Variants in VPS33B observed in about 807,000 individuals in gnomAD.
VPS33B encodes the protein VPS33B late endosome and lysosome associated.
In VPS33B, 80 loss-of-function variants were observed where a neutral mutation model predicts 95.3. The ratio of observed to expected loss-of-function variants is 0.84; its 90% CI spans 0.70 to 1.01. The LOEUF is 1.01. Among genes scored for constraint, VPS33B ranks in the 50% least tolerant of loss-of-function variants. The probability of loss-of-function intolerance (pLI) is 0.00; values close to 1 mark genes in which losing one functional copy is unlikely to be tolerated. For missense variants in VPS33B, 715 were observed against 773.4 expected (o/e 0.92, Z 0.90); for synonymous variants, 280 against 280.4 (o/e 1.00, Z 0.01).
At chr15:91,008,201 A>G (rs891459254) in intron 6 of VPS33B, among the ~76,000 whole-genome samples, 3 of 152,322 alleles carry the variant, frequency 2.0e-5, no homozygotes, top group African/African-American at 7.2e-5. Context: ...ATACAATGTG[A>G]TAAGTGGTGG....
At position 91,011,903 on chromosome 15, in the gene VPS33B, T is replaced by C. The variant is rs1409009951; in HGVS notation, c.357+1901A>G. 6.6e-6 allele frequency among the ~76,000 whole-genome samples: 1 copy of C among 151,980 alleles called. No individual in the cohort carries two copies. Among genetic ancestry groups the C allele is most frequent in the African/African-American group, 2.4e-5 (1 of 41,366 alleles). ...ACTCGGGAAGCTGAGGCAGGAGAAT[T>C]GCTTGAACCTGGGAGGCGGAGGTTG... On this transcript the variant is annotated intron_variant, in intron 5 of 22. Coordinates refer to ENST00000333371, the MANE Select transcript of VPS33B (RefSeq NM_018668.5). The surrounding 1 kb of genome is among the most constrained non-coding windows in gnomAD (Gnocchi z 5.5).
In VPS33B at chr15:90,999,903, T is replaced by C; in HGVS notation, c.1654A>G (p.Thr552Ala). ...RLLNCSDFAF[T>A]DMTKEDKASS... ...CCCCACTGTTAATGCCACATACCTG[T>C]GAATGCAAAGTCACTGCAGTTGAGC... Residue 552 changes from threonine to alanine, a missense_variant, in exon 21 of 23, where the codon ACA (threonine) becomes GCA (alanine). Transcript: ENST00000333371. The surrounding 1 kb of genome is among the most constrained non-coding windows in gnomAD (Gnocchi z 5.1). 1 of 1,614,182 alleles carries C rather than the reference T, an allele frequency of 6.2e-7. No individual in the cohort carries two copies. The highest frequency in any genetic ancestry group is 1.3e-5 in the African/African-American group (1 of 75,044).
chr15:91,001,933 T>A, intron 18 of VPS33B, 117 bp downstream of exon 18: 1 of 1,532,610 alleles, frequency 6.5e-7, no homozygotes. Context: ...AGTAATGACA[T>A]TAATAGGAAG....
At position 90,999,679 on chromosome 15, in the gene VPS33B, TTCTC is replaced by T; in HGVS notation, c.1768_1771del (p.Glu590LysfsTer8). 6.2e-7 allele frequency: 1 copy of T among 1,614,006 alleles called. No individual in the cohort carries two copies. Among genetic ancestry groups the T allele is most frequent in the Non-Finnish European group, 8.5e-7 (1 of 1,179,934 alleles). The stretch of plus-strand genomic sequence containing the variant: ...CTCACCTTTCTGCTCTCTCTTACCT[TTCTC>T]TCTGCCCAGGAACCGGAGGGCTGAG... On this transcript the variant is annotated frameshift_variant, in exon 22 of 23. Transcript: ENST00000333371. LOFTEE classifies it high-confidence loss of function. This position sits in a 1 kb window ranked among gnomAD's most constrained non-coding sequence, Gnocchi z 5.1.
Position 91,000,487 on chromosome 15 carries a change from C to T in VPS33B, c.1581+3G>A, listed in dbSNP as rs370877739. The T allele has an allele frequency of 2.5e-6, 4 of 1,611,842 alleles. No homozygotes were observed. Among genetic ancestry groups the T allele is most frequent in the Non-Finnish European group, 3.4e-6 (4 of 1,178,664 alleles). The stretch of plus-strand genomic sequence containing the variant: ...AATGGGAGCAAGAATTACATGCTCT[C>T]ACCTGCTCAATGATTCGGCAGCTCA... On this transcript the variant is annotated splice_donor_region_variant and intron_variant, in intron 20 of 22. Coordinates refer to ENST00000333371, the MANE Select transcript of VPS33B (RefSeq NM_018668.5). The surrounding 1 kb of genome is among the most constrained non-coding windows in gnomAD (Gnocchi z 4.9).
At chr15:91,004,236 A>AAG (rs1555458637) in intron 16 of VPS33B, among the ~76,000 whole-genome samples, 16,321 of 149,422 alleles carry the variant, frequency 0.11, 3,019 homozygotes, top group African/African-American at 0.38. Flanking sequence ...AAAAAAAAAA[A>AAG]GAAGAAAAAG....
rs572522589 is a variant in VPS33B, at chr15:91,017,970, A to G, written c.97-85T>C. The G allele has an allele frequency of 3.0e-5, 38 of 1,268,196 alleles. No homozygotes were observed. In the African/African-American group the frequency reaches 5.3e-4, roughly 18 times the overall value. The allele number at this position is 1,268,196 out of a possible 1,614,324, so 78.6% of individuals were successfully genotyped here. ...AGTGGCCCAGCCACCCATCTAACAG[A>G]AACAGTCTCTGAGGTGGGAGGGCAC... On this transcript the variant is annotated intron_variant, in intron 1 of 22. Transcript: ENST00000333371.
At chr15:91,001,614 ACTCCCCACCCTT>A (rs1458356747) in intron 18 of VPS33B, 152 bp from the exon 19 acceptor site, 3 of 721,524 alleles carry the variant, frequency 4.2e-6, no homozygotes, top group African/African-American at 1.7e-5. Flanking sequence ...ATCAAGATAT[ACTCCCCACCCTT>A]CTCCCCACCC....
Position 91,000,035 on chromosome 15 carries a change from G to A in VPS33B, c.1582-60C>T. The A allele has an allele frequency of 6.3e-7, 1 of 1,597,000 alleles. No individual in the cohort carries two copies. On this transcript the variant is annotated intron_variant, in intron 20 of 22. Coordinates refer to ENST00000333371, the MANE Select transcript of VPS33B (RefSeq NM_018668.5). This position sits in a 1 kb window ranked among gnomAD's most constrained non-coding sequence, Gnocchi z 4.9. ...GACAGTATCAGGCTTAGGAAAGGAA[G>A]GGCACAGCAGCCAGACTGTCACATT... is the stretch of plus-strand genomic sequence containing the variant.
chr15:91,005,882 C>T lies in VPS33B; in HGVS notation c.939+91G>A. The T allele has an allele frequency of 6.2e-7, 1 of 1,606,350 alleles. No homozygotes were observed. Among genetic ancestry groups the T allele is most frequent in the East Asian group, 2.2e-5 (1 of 44,810 alleles). On this transcript the variant is annotated intron_variant, in intron 12 of 22. Transcript: ENST00000333371. The surrounding 1 kb of genome is among the most constrained non-coding windows in gnomAD (Gnocchi z 6.4). Reference sequence around the variant, plus strand: ...TCCATCCATGAGAAAGGACAGGGAACCTGTCATAGTATTAGAAGGGGAGCC... The same window carrying T: ...TCCATCCATGAGAAAGGACAGGGAATCTGTCATAGTATTAGAAGGGGAGCC...
At chr15:91,017,407 T>A (rs182789659) in intron 2 of VPS33B, among the ~76,000 whole-genome samples, 1,701 of 90,886 alleles carry the variant, frequency 0.019, 314 homozygotes, top group East Asian at 0.11. Context: ...TATATATATA[T>A]ATATATATAT....
At chr15:91,003,196 C>T in intron 16 of VPS33B, 65 bp from the exon 17 acceptor site, 2 of 1,509,752 alleles carry the variant, frequency 1.3e-6, no homozygotes, top group South Asian at 1.1e-5. Context: ...CTAAAATGTA[C>T]AGATCAACCA....
Position 91,007,990 on chromosome 15 carries a change from C to T in VPS33B, c.404-26G>A. The T allele has an allele frequency of 2.5e-6, 4 of 1,611,066 alleles. No individual in the cohort carries two copies. The highest frequency in any genetic ancestry group is 3.4e-6 in the Non-Finnish European group (4 of 1,177,212). ...CTGTGGGGACAGAGAGCATCAGCCT[C>T]CCTGCAGAAGGTACTTAGCTCCACG... On this transcript the variant is annotated intron_variant, in intron 6 of 22. Transcript: ENST00000333371. This position sits in a 1 kb window ranked among gnomAD's most constrained non-coding sequence, Gnocchi z 5.3.
rs1052772926 is a variant in VPS33B at position 91,006,589 on chromosome 15, T to C, written c.778+63A>G. The C allele has an allele frequency of 6.2e-7, 1 of 1,611,326 alleles. No individual in the cohort carries two copies. The highest frequency in any genetic ancestry group is 8.5e-7 in the Non-Finnish European group (1 of 1,177,578). ...TCTCTCCCACAAACCCTGCCCCACG[T>C]GGGAGGTGCCAAGGCTGATGACCCG... On this transcript the variant is annotated intron_variant, in intron 10 of 22. Transcript: ENST00000333371. The surrounding 1 kb of genome is among the most constrained non-coding windows in gnomAD (Gnocchi z 5.4).
Position 91,007,134 on chromosome 15 carries a change from C to G in VPS33B, c.604-88G>C. On this transcript the variant is annotated intron_variant, in intron 8 of 22. Transcript: ENST00000333371. This position sits in a 1 kb window ranked among gnomAD's most constrained non-coding sequence, Gnocchi z 5.3. Reference sequence around the variant, plus strand: ...AGAAGTCAGCCCTTTCCACGTGATACTTCCTCTTGTCCCCGAGACAGGAGC... The same window carrying G: ...AGAAGTCAGCCCTTTCCACGTGATAGTTCCTCTTGTCCCCGAGACAGGAGC... The G allele has an allele frequency of 7.2e-7, 1 of 1,392,628 alleles. No homozygotes were observed. Among genetic ancestry groups the G allele is most frequent in the Admixed American group, 1.7e-5 (1 of 59,684 alleles). 86.3% of individuals were successfully genotyped at this position (1,392,628 alleles called of 1,614,324 possible).
chr15:90,999,191 C>G lies in VPS33B; in HGVS notation c.1775-137G>C. ...TAGACAGAGACGTGAGTGCCATGCT[C>G]TTGGGCACCACTGCTTTCTATGACT... On this transcript the variant is annotated intron_variant, in intron 22 of 22. Coordinates refer to ENST00000333371, the MANE Select transcript of VPS33B (RefSeq NM_018668.5). This position sits in a 1 kb window ranked among gnomAD's most constrained non-coding sequence, Gnocchi z 5.1. The G allele has an allele frequency of 2.5e-6, 2 of 802,018 alleles. No homozygotes were observed. Among genetic ancestry groups the G allele is most frequent in the Non-Finnish European group, 4.2e-6 (2 of 470,708 alleles). The allele number at this position is 802,018 out of a possible 1,614,324, so 49.7% of individuals were successfully genotyped here.
Position 91,005,557 on chromosome 15 carries a change from C to T in VPS33B, c.1031-103G>A, listed in dbSNP as rs964275513. 1 of 1,586,142 alleles carries T rather than the reference C, an allele frequency of 6.3e-7. No homozygotes were observed. Among genetic ancestry groups the T allele is most frequent in the African/African-American group, 1.3e-5 (1 of 74,404 alleles). On this transcript the variant is annotated intron_variant, in intron 13 of 22. Coordinates refer to ENST00000333371, the MANE Select transcript of VPS33B (RefSeq NM_018668.5). This position sits in a 1 kb window ranked among gnomAD's most constrained non-coding sequence, Gnocchi z 6.4. ...CCTCCTAAGGCAAAATCCGAAAGCA[C>T]TTCTTCCCACTTTACACCAAGTAAG...
chr15:91,008,162 G>C (rs1038912230), intron 6 of VPS33B, among the ~76,000 whole-genome samples, 198 bp from the exon 7 acceptor site: 1 of 152,222 alleles, frequency 6.6e-6, no homozygotes, highest in Middle Eastern at 3.2e-3. Context: ...GTCTGATAAG[G>C]AAAGGAGATG....
rs1005918911 is a variant in VPS33B at position 91,013,663 on chromosome 15, A to G, written c.357+141T>C. ...TGAGCTAAATAAATTTCTGTTCATT[A>G]TAAATTACCTAGTCTCAGGTATTCT... On this transcript the variant is annotated intron_variant, in intron 5 of 22. Coordinates refer to ENST00000333371, the MANE Select transcript of VPS33B (RefSeq NM_018668.5). The surrounding 1 kb of genome is among the most constrained non-coding windows in gnomAD (Gnocchi z 4.5). 1.1e-6 allele frequency: 1 copy of G among 893,632 alleles called. No homozygotes were observed. Among genetic ancestry groups the G allele is most frequent in the African/African-American group, 1.6e-5 (1 of 61,032 alleles). The allele number at this position is 893,632 out of a possible 1,614,324, so 55.4% of individuals were successfully genotyped here.
Sources: allele counts gnomAD v4.1 joint callset (sites outside exome capture counted in the v4.1 genomes callset), GRCh38; gene constraint gnomAD v4.1.1; non-coding constraint Gnocchi (gnomAD v3.1); transcripts MANE v1.5; gene names NCBI Gene and HGNC (gene_info 2026-07-23, HGNC 2026-07-21).